The following SLC8A1 variants were observed in gnomAD, a reference collection of about 807,000 sequenced individuals.
SLC8A1 encodes the protein sodium/calcium exchanger 1.
Under a neutral mutation model 68.3 loss-of-function variants are expected in SLC8A1, and 18 were observed. The ratio of observed to expected loss-of-function variants is 0.26; its 90% confidence interval spans 0.18 to 0.39. The LOEUF (loss-of-function observed/expected upper bound fraction) is 0.39, where lower values mean the gene tolerates loss of function less well. Among genes scored for constraint, SLC8A1 ranks in the 10% least tolerant of loss-of-function variants. SLC8A1 has a pLI of 1.00. For missense variants in SLC8A1, 985 were observed against 1,156.7 expected (o/e 0.85, Z 2.15); for synonymous variants, 475 against 415.5 (o/e 1.14, Z -1.74).
At chr2:40,189,239 A>G (rs1400723591) in intron 2 of SLC8A1, among the ~76,000 whole-genome samples, 2 of 152,350 alleles carry the variant, frequency 1.3e-5, no homozygotes, top group East Asian at 3.9e-4. Context: ...TAGCCAGTTT[A>G]TATTCCATGG....
At chr2:40,457,427 T>C (rs1201416955) in intron 1 of SLC8A1, among the ~76,000 whole-genome samples, 1 of 152,212 alleles carries the variant, frequency 6.6e-6, no homozygotes, top group Non-Finnish European at 1.5e-5. Flanking sequence ...TGGTCACTGA[T>C]TAGACTCTTC....
At chr2:40,120,488 C>G (rs967575114) in intron 7 of SLC8A1, among the ~76,000 whole-genome samples, 3 of 152,154 alleles carry the variant, frequency 2.0e-5, no homozygotes, top group African/African-American at 7.2e-5. Flanking sequence ...ATTGCAGTTT[C>G]CTCATTTAAT....
intron 2 of SLC8A1, among the ~76,000 whole-genome samples, chr2:40,179,315 C>T (rs1255026337): frequency 6.6e-6 from 1 of 152,222 alleles, no homozygotes; most frequent in East Asian, 1.9e-4. Context: ...ATCACCGATA[C>T]ACCAAGGTGT....
At chr2:40,293,046 T>C (rs866186129) in intron 2 of SLC8A1, among the ~76,000 whole-genome samples, 1 of 152,112 alleles carries the variant, frequency 6.6e-6, no homozygotes, top group South Asian at 2.1e-4. Flanking sequence ...GAGTAGATCT[T>C]ATTTTGTTGT....
intron 2 of SLC8A1, among the ~76,000 whole-genome samples, chr2:40,185,008 T>A (rs946667174): frequency 3.3e-5 from 5 of 150,912 alleles, no homozygotes; most frequent in African/African-American, 1.2e-4. Context: ...CATAAAAACA[T>A]GGTCCACATA....
At chr2:40,375,091 A>C (rs1013351800) in intron 2 of SLC8A1, among the ~76,000 whole-genome samples, 1 of 152,026 alleles carries the variant, frequency 6.6e-6, no homozygotes, top group African/African-American at 2.4e-5. Context: ...TTAATCACCA[A>C]AGACTGTTTT....
intron 2 of SLC8A1, among the ~76,000 whole-genome samples, chr2:40,212,281 ATCTTTTTT>A (rs1410998051): frequency 8.5e-6 from 1 of 118,212 alleles, no homozygotes; most frequent in Non-Finnish European, 1.8e-5. Context: ...GAGATGCAAT[ATCTTTTTT>A]TTTTTTTTTT....
At chr2:40,250,490 TG>T (rs1209428585) in intron 2 of SLC8A1, 1 of 152,022 alleles carries the variant, frequency 6.6e-6, no homozygotes, top group African/African-American at 2.4e-5. Flanking sequence ...ATACATGCTC[TG>T]ATACCATGAC....
intron 2 of SLC8A1, among the ~76,000 whole-genome samples, chr2:40,241,513 G>T (rs1452955466): frequency 1.3e-5 from 2 of 152,158 alleles, no homozygotes; most frequent in Non-Finnish European, 2.9e-5. Flanking sequence ...TTCCTCACAG[G>T]TATTAAAAAG....
At chr2:40,473,434 A>G (rs147381854) in intron 1 of SLC8A1, among the ~76,000 whole-genome samples, 7 of 152,088 alleles carry the variant, frequency 4.6e-5, no homozygotes, top group East Asian at 3.9e-4. Flanking sequence ...CCTCTCCCCT[A>G]CTTGATTTTT....
At chr2:40,486,709 T>C (rs1345932570) in intron 1 of SLC8A1, among the ~76,000 whole-genome samples, 1 of 146,704 alleles carries the variant, frequency 6.8e-6, no homozygotes. Flanking sequence ...CTTAATATGT[T>C]TTTTTTAATT....
chr2:40,394,533 G>C (rs1686312683), intron 2 of SLC8A1, among the ~76,000 whole-genome samples: 1 of 151,940 alleles, frequency 6.6e-6, no homozygotes, highest in African/African-American at 2.4e-5. Context: ...TTATCATCAA[G>C]TTTCTGTTAG....
chr2:40,466,953 C>A, intron 1 of SLC8A1, among the ~76,000 whole-genome samples: 1 of 137,412 alleles, frequency 7.3e-6, no homozygotes, highest in Non-Finnish European at 1.5e-5. Flanking sequence ...AATTAAATAC[C>A]TTACAGGAAT....
chr2:40,413,135 C>T (rs1692705439), intron 2 of SLC8A1, among the ~76,000 whole-genome samples: 1 of 152,144 alleles, frequency 6.6e-6, no homozygotes, highest in African/African-American at 2.4e-5. Flanking sequence ...GAAATAGGAA[C>T]ATTTTTACAC....
At chr2:40,101,844 A>C (rs560447298) in exon 8 of SLC8A1, 1 of 152,214 alleles carries the variant, frequency 6.6e-6, no homozygotes, top group East Asian at 1.9e-4. Context: ...GGTCACTCCA[A>C]AATTTTTGAT....
At chr2:40,253,315 T>C (rs1006181774) in intron 2 of SLC8A1, among the ~76,000 whole-genome samples, 6 of 151,154 alleles carry the variant, frequency 4.0e-5, no homozygotes, top group Non-Finnish European at 7.4e-5. Flanking sequence ...TACACATATA[T>C]ACACACACAT....
At chr2:40,389,666 A>C (rs1158253803) in intron 2 of SLC8A1, among the ~76,000 whole-genome samples, 1 of 151,842 alleles carries the variant, frequency 6.6e-6, no homozygotes, top group Non-Finnish European at 1.5e-5. Context: ...TGCCTTTCCA[A>C]TTCCCATGTC....
chr2:40,158,611 C>T (rs1433317013), intron 6 of SLC8A1, among the ~76,000 whole-genome samples: 6 of 152,046 alleles, frequency 3.9e-5, no homozygotes, highest in Admixed American at 6.6e-5. Flanking sequence ...ACACCATGGC[C>T]GCAGGTAATG....
At chr2:40,183,661 G>A (rs1233604117) in intron 2 of SLC8A1, among the ~76,000 whole-genome samples, 3 of 152,190 alleles carry the variant, frequency 2.0e-5, no homozygotes, top group African/African-American at 7.2e-5. Context: ...TGAAGTCTGA[G>A]AGGCACCAAT....
Sources: allele counts gnomAD v4.1 joint callset (sites outside exome capture counted in the v4.1 genomes callset), GRCh38; gene constraint gnomAD v4.1.1; transcripts MANE v1.5; gene names NCBI Gene and HGNC (gene_info 2026-07-23, HGNC 2026-07-21).